The following HS3ST3A1 variants were observed in gnomAD, a reference collection of about 807,000 sequenced individuals.
The protein encoded by HS3ST3A1 is heparan sulfate glucosamine 3-O-sulfotransferase 3A1.
In HS3ST3A1, 19 loss-of-function variants were observed where a neutral mutation model predicts 25.7. That is an observed-to-expected ratio of 0.74 (90% CI 0.52 to 1.08). The LOEUF (loss-of-function observed/expected upper bound fraction) is 1.08. Ranked by LOEUF, HS3ST3A1 falls within the 50% of genes least tolerant of loss-of-function variation. HS3ST3A1 has a pLI of 0.00. For missense variants in HS3ST3A1, 459 were observed against 594.3 expected, an observed-to-expected ratio of 0.77 and a Z score of 2.37; for synonymous variants, 226 against 278.6, an observed-to-expected ratio of 0.81 and a Z score of 1.88.
chr17:13,565,284 TC>T (rs1325843146), intron 1 of HS3ST3A1, among the ~76,000 whole-genome samples: 8 of 152,116 alleles, frequency 5.3e-5, no homozygotes, highest in African/African-American at 1.9e-4. Context: ...CTGCCTATAA[TC>T]CCAGCACCTT....
chr17:13,556,838 C>T (rs976052621), intron 1 of HS3ST3A1, among the ~76,000 whole-genome samples: 7 of 131,044 alleles, frequency 5.3e-5, no homozygotes, highest in African/African-American at 2.3e-4. Context: ...GGCGAAAGAG[C>T]GAAACTCCGC....
intron 1 of HS3ST3A1, among the ~76,000 whole-genome samples, chr17:13,567,628 T>C (rs1038947684): frequency 3.3e-5 from 5 of 152,170 alleles, no homozygotes; most frequent in African/African-American, 1.2e-4. Flanking sequence ...TTTGAAGAAA[T>C]TGATTCCAAC....
chr17:13,565,891 A>G (rs1316336905), intron 1 of HS3ST3A1, among the ~76,000 whole-genome samples: 2 of 152,180 alleles, frequency 1.3e-5, no homozygotes, highest in African/African-American at 4.8e-5. Context: ...GGACCTAGTA[A>G]GTCTATACTC....
chr17:13,577,494 C>T lies in HS3ST3A1; in HGVS notation c.599+23037G>A, dbSNP rs570894150. On this transcript the variant is annotated intron_variant, in intron 1 of 1. Transcript: ENST00000284110. ...AACCAGTACAGCTAACTTCTCCCTC[C>T]CGGGACAGAGGAATAATGAGAGCTT... Among the ~76,000 whole-genome samples, 70 of 152,254 alleles carry T rather than the reference C, an allele frequency of 4.6e-4. 1 individual carries two copies. Among genetic ancestry groups the T allele is most frequent in the African/African-American group, 1.6e-3 (68 of 41,550 alleles).
At chr17:13,499,185 T>A (rs761574682) in intron 1 of HS3ST3A1, among the ~76,000 whole-genome samples, 2 of 152,204 alleles carry the variant, frequency 1.3e-5, no homozygotes, top group Non-Finnish European at 2.9e-5. Flanking sequence ...CACATTGGCA[T>A]AACCACCTAT....
At chr17:13,556,051 G>A (rs974819034) in intron 1 of HS3ST3A1, 61 of 152,304 alleles carry the variant, frequency 4.0e-4, no homozygotes, top group African/African-American at 1.5e-3. Flanking sequence ...CTGAGCCCTA[G>A]TGAAGGGTGG....
chr17:13,601,123 G>A lies in HS3ST3A1; in HGVS notation c.7C>T (p.Pro3Ser), dbSNP rs369291569. MA[P>S]PGPASALSTS... The stretch of plus-strand genomic sequence containing the variant: ...GAGAGGGCACTGGCCGGGCCCGGAG[G>A]GGCCATCCTAGCCGGAGGCGACGTC... Residue 3 changes from proline (P) to serine (S), a missense_variant, in exon 1 of 2, where the codon CCT becomes TCT. By Grantham distance (74) the Pro-to-Ser change is moderately conservative (BLOSUM62 -1). Transcript: ENST00000284110. 46 of 1,555,970 alleles carry A rather than the reference G, an allele frequency of 3.0e-5. No individual in the cohort carries two copies. The African/African-American group carries it at 5.9e-4, about 20-fold the overall frequency.
At chr17:13,576,173 C>G (rs1907943643) in intron 1 of HS3ST3A1, among the ~76,000 whole-genome samples, 1 of 152,234 alleles carries the variant, frequency 6.6e-6, no homozygotes, top group Non-Finnish European at 1.5e-5. Flanking sequence ...ACCTTAATAG[C>G]TTAAAATAAC....
chr17:13,503,637 C>T (rs34256601), intron 1 of HS3ST3A1, among the ~76,000 whole-genome samples: 16,034 of 152,160 alleles, frequency 0.11, 1,028 homozygotes, highest in Non-Finnish European at 0.15. Context: ...TGAACTTCAT[C>T]GGTCATCAGG....
chr17:13,599,001 A>G (rs1212947250), intron 1 of HS3ST3A1, among the ~76,000 whole-genome samples: 2 of 152,144 alleles, frequency 1.3e-5, no homozygotes, highest in Non-Finnish European at 2.9e-5. Flanking sequence ...TTCAATGCAA[A>G]CTGCTATAGA....
intron 1 of HS3ST3A1, among the ~76,000 whole-genome samples, chr17:13,549,159 G>C (rs1313156259): frequency 6.6e-6 from 1 of 152,164 alleles, no homozygotes; most frequent in Non-Finnish European, 1.5e-5. Flanking sequence ...GCAAGATCAC[G>C]AACCCACTGG....
chr17:13,530,795 C>T (rs139451478), intron 1 of HS3ST3A1, among the ~76,000 whole-genome samples: 4 of 152,226 alleles, frequency 2.6e-5, no homozygotes, highest in African/African-American at 9.6e-5. Flanking sequence ...CTGTATGTGG[C>T]TTTTCATTTT....
intron 1 of HS3ST3A1, among the ~76,000 whole-genome samples, chr17:13,565,793 A>G (rs1015366265): frequency 1.3e-5 from 2 of 152,168 alleles, no homozygotes; most frequent in Non-Finnish European, 2.9e-5. Flanking sequence ...TAGTAGTTTC[A>G]GTAAAGGTTT....
chr17:13,582,253 A>C (rs1452625341), intron 1 of HS3ST3A1, among the ~76,000 whole-genome samples: 2 of 152,220 alleles, frequency 1.3e-5, no homozygotes, highest in Non-Finnish European at 2.9e-5. Context: ...GTTTTCAAGG[A>C]AAATGATTTT....
intron 1 of HS3ST3A1, among the ~76,000 whole-genome samples, chr17:13,560,299 A>AAAAAAAAAAAT (rs1907500570): frequency 7.3e-6 from 1 of 137,242 alleles, no homozygotes; most frequent in African/African-American, 2.7e-5. Context: ...CAAAAAAAAA[A>AAAAAAAAAAAT]AAAAAAAAAA....
chr17:13,580,631 G>A (rs1215844983), intron 1 of HS3ST3A1, among the ~76,000 whole-genome samples: 3 of 152,144 alleles, frequency 2.0e-5, no homozygotes, highest in Non-Finnish European at 4.4e-5. Flanking sequence ...AGTGGCTCAC[G>A]CCTGTTATAC....
intron 1 of HS3ST3A1, among the ~76,000 whole-genome samples, chr17:13,549,000 C>T (rs9916774): frequency 0.02 from 2,985 of 152,310 alleles, 105 homozygotes; most frequent in African/African-American, 0.068. Context: ...CCCGCAGCAG[C>T]GATCTGCTCC....
chr17:13,596,828 T>C (rs942482977), intron 1 of HS3ST3A1, among the ~76,000 whole-genome samples: 4 of 152,124 alleles, frequency 2.6e-5, no homozygotes, highest in Non-Finnish European at 5.9e-5. Flanking sequence ...TGGAGGGACT[T>C]TGCAGCTGCT....
chr17:13,507,602 G>A (rs763712378), intron 1 of HS3ST3A1, among the ~76,000 whole-genome samples: 1 of 152,176 alleles, frequency 6.6e-6, no homozygotes, highest in Non-Finnish European at 1.5e-5. Context: ...TATATCACAC[G>A]TTTTTCAAAG....
Sources: gnomAD v4.1 joint callset for allele counts (sites outside exome capture counted in the v4.1 genomes callset) on GRCh38, gnomAD v4.1.1 for gene constraint, MANE v1.5 for transcripts, NCBI Gene and HGNC (gene_info 2026-07-23, HGNC 2026-07-21) for gene names.